TEF: variants seen among roughly 807,000 people sequenced by gnomAD.
The protein encoded by TEF is TEF transcription factor, PAR bZIP family member.
TEF carries 3 observed loss-of-function variants against 20.8 expected under a neutral mutation model. The observed-to-expected ratio is 0.14, with a 90% confidence interval of 0.07 to 0.37. The LOEUF (loss-of-function observed/expected upper bound fraction) is 0.37, where lower values mean the gene tolerates loss of function less well. Among genes scored for constraint, TEF ranks in the 10% least tolerant of loss-of-function variants. TEF has a pLI of 1.00. For synonymous variants in TEF, 180 were observed against 171.1 expected (o/e 1.05, Z -0.41); for missense variants, 296 against 397.9 (o/e 0.74, Z 2.18).
At chr22:41,381,693 C>T (rs1028676163), upstream of TEF, among the ~76,000 whole-genome samples, 3 of 152,122 alleles carry the variant, frequency 2.0e-5, no homozygotes, top group African/African-American at 7.2e-5. Context: ...AGGCGCCAAT[C>T]AGGGGACACA....
intron 1 of TEF, chr22:41,369,240 G>T (rs973328608): frequency 1.0e-6 from 1 of 985,438 alleles, no homozygotes; most frequent in African/African-American, 1.7e-5. Flanking sequence ...GTGGGGCCCT[G>T]CAATAGCCGA....
chr22:41,373,478 CT>C (rs562817388), intron 1 of TEF, among the ~76,000 whole-genome samples: 17 of 148,676 alleles, frequency 1.1e-4, no homozygotes, highest in African/African-American at 1.5e-4. Flanking sequence ...GTATATTTTT[CT>C]TTTTTTTTTA....
chr22:41,371,554 G>C (rs2036883419), intron 1 of TEF, among the ~76,000 whole-genome samples: 1 of 152,216 alleles, frequency 6.6e-6, no homozygotes, highest in Non-Finnish European at 1.5e-5. Context: ...CCATGAGCTT[G>C]TTGCCAAGAT....
chr22:41,368,739 C>G (rs1034219957), intron 1 of TEF, among the ~76,000 whole-genome samples: 1 of 152,210 alleles, frequency 6.6e-6, no homozygotes, highest in Non-Finnish European at 1.5e-5. Flanking sequence ...CCTCCGACCA[C>G]ACTCCATGCT....
chr22:41,387,815 C>G, intron 2 of TEF, 147 bp downstream of exon 2: 1 of 792,228 alleles, frequency 1.3e-6, no homozygotes, highest in Non-Finnish European at 2.0e-6. Context: ...ACTCTTCACT[C>G]CCCACCCTTC....
intron 1 of TEF, among the ~76,000 whole-genome samples, chr22:41,382,771 T>A (rs2037050902): frequency 6.7e-6 from 1 of 149,944 alleles, no homozygotes; most frequent in Non-Finnish European, 1.5e-5. Context: ...GCGGGGCTTC[T>A]GCTGAGCGGG....
chr22:41,367,553 C>T, exon 1 of TEF: 1 of 1,551,398 alleles, frequency 6.4e-7, no homozygotes, highest in Non-Finnish European at 8.7e-7. Context: ...CTGAGGTCCT[C>T]AAGTCCCTGC....
upstream of TEF, among the ~76,000 whole-genome samples, chr22:41,381,759 T>G (rs576308003): frequency 3.3e-5 from 5 of 151,640 alleles, no homozygotes; most frequent in East Asian, 2.0e-4. Context: ...CACGTGTCTA[T>G]CTTATCCCGG....
upstream of TEF, among the ~76,000 whole-genome samples, chr22:41,381,287 G>C (rs941799984): frequency 1.3e-5 from 2 of 152,244 alleles, no homozygotes; most frequent in Admixed American, 6.5e-5. Context: ...AGAACAAAAA[G>C]ACCCGTCCCT....
chr22:41,385,080 C>T (rs1343402803), intron 1 of TEF, among the ~76,000 whole-genome samples: 2 of 152,150 alleles, frequency 1.3e-5, no homozygotes, highest in Admixed American at 1.3e-4. Context: ...AATGTTATCT[C>T]TGGCCAGGCC....
At chr22:41,385,489 A>G (rs2037086858) in intron 1 of TEF, among the ~76,000 whole-genome samples, 1 of 152,160 alleles carries the variant, frequency 6.6e-6, no homozygotes, top group Non-Finnish European at 1.5e-5. Flanking sequence ...AGCAAGTGGC[A>G]AAAATGGGAC....
chr22:41,382,784 G>T (rs1001428610), intron 1 of TEF, among the ~76,000 whole-genome samples: 3 of 151,822 alleles, frequency 2.0e-5, no homozygotes, highest in Non-Finnish European at 4.4e-5. Flanking sequence ...TGAGCGGGTG[G>T]GGGGGGTGTG....
upstream of TEF, among the ~76,000 whole-genome samples, chr22:41,381,570 G>A (rs1016953378): frequency 1.3e-5 from 2 of 152,238 alleles, no homozygotes; most frequent in African/African-American, 2.4e-5. Flanking sequence ...GGGACAAGAG[G>A]GAGAGGCTGC....
At position 41,369,980 on chromosome 22, in the gene TEF, G is replaced by A. The variant is rs949772167; in HGVS notation, c.67+2381G>A. The stretch of plus-strand genomic sequence containing the variant: ...GTGCTTCGGCACACATTTAGGTCAT[G>A]TGCAGAGCGTATCTCACCTCCAGTG... On this transcript the variant is annotated intron_variant, in intron 1 of 3. Transcript: ENST00000406644. 1.7e-5 allele frequency: 17 copies of A among 985,320 alleles called. No homozygotes were observed. The African/African-American group carries it at 2.4e-4, about 14-fold the overall frequency. The allele number at this position is 985,320 out of a possible 1,614,324, so 61.0% of individuals were successfully genotyped here. A position where few individuals can be genotyped will look rare whatever the true frequency, so the allele number is the denominator to read the frequency against.
Position 41,387,253 on chromosome 22 carries a change from C to CT in TEF, c.158-97dup. ...AAATGCATGGGTTGGAATCGGGGCTCTGAGAAAGATGGGCCAGGCCTGTGA... is the reference window on the plus strand; with the variant it reads ...AAATGCATGGGTTGGAATCGGGGCTCTTGAGAAAGATGGGCCAGGCCTGTGA... On this transcript the variant is annotated intron_variant, in intron 1 of 3. Transcript: ENST00000266304. 4 of 1,341,598 alleles carry CT rather than the reference C, an allele frequency of 3.0e-6. No homozygotes were observed. The Admixed American group carries it at 8.1e-5, about 27-fold the overall frequency. 83.1% of individuals were successfully genotyped at this position (1,341,598 alleles called of 1,614,324 possible). A position where few individuals can be genotyped will look rare whatever the true frequency, so the allele number is the denominator to read the frequency against.
At chr22:41,395,339 G>A (rs576159343) in intron 3 of TEF, among the ~76,000 whole-genome samples, 2 of 152,224 alleles carry the variant, frequency 1.3e-5, no homozygotes, top group East Asian at 3.9e-4. Context: ...AGGGACCTGT[G>A]ATATTGAGGG....
At chr22:41,381,558 C>T (rs1035830064), upstream of TEF, among the ~76,000 whole-genome samples, 5 of 152,172 alleles carry the variant, frequency 3.3e-5, no homozygotes, top group African/African-American at 1.2e-4. Context: ...GGTTGCAAGT[C>T]GGGGACAAGA....
At chr22:41,378,059 CAGCAATAATGTCGTATT>C (rs1027690247), upstream of TEF, among the ~76,000 whole-genome samples, 66 of 152,132 alleles carry the variant, frequency 4.3e-4, no homozygotes, top group Middle Eastern at 0.01. Flanking sequence ...TTTTTCTTCC[CAGCAATAATGTCGTATT>C]AGCCATGAGA....
In TEF at chr22:41,397,149, T is replaced by C; in HGVS notation, c.*1189T>C. The C allele has an allele frequency of 2.5e-6, 1 of 398,654 alleles. No individual in the cohort carries two copies. The highest frequency in any genetic ancestry group is 4.4e-6 in the Non-Finnish European group (1 of 226,112). The allele number at this position is 398,654 out of a possible 1,614,324, so 24.7% of individuals were successfully genotyped here. ...GAGTCACCAAGGTCACAGTGCCACT[T>C]TCACGGGATAGCAGGCTCTTGGGAC... On this transcript the variant is annotated 3_prime_UTR_variant, in exon 4 of 4. Coordinates refer to ENST00000266304, the MANE Select transcript of TEF (RefSeq NM_003216.4).
Sources: gnomAD v4.1 joint callset for allele counts (sites outside exome capture counted in the v4.1 genomes callset) on GRCh38, gnomAD v4.1.1 for gene constraint, MANE v1.5 for transcripts, NCBI Gene and HGNC (gene_info 2026-07-23, HGNC 2026-07-21) for gene names.